The following SLC4A4 variants were observed in gnomAD, a reference collection of about 807,000 sequenced individuals.
The protein encoded by SLC4A4 is solute carrier family 4 member 4, also known as electrogenic sodium bicarbonate cotransporter 1.
Under a neutral mutation model 111.5 loss-of-function variants are expected in SLC4A4, and 27 were observed. The ratio of observed to expected loss-of-function variants is 0.24; its 90% CI spans 0.18 to 0.33. The LOEUF (loss-of-function observed/expected upper bound fraction) is 0.33, where lower values mean the gene tolerates loss of function less well. Ranked by LOEUF, SLC4A4 falls within the 10% of genes least tolerant of loss-of-function variation. The probability of loss-of-function intolerance (pLI) is 1.00; values close to 1 mark genes in which losing one functional copy is unlikely to be tolerated. For missense variants in SLC4A4, 909 were observed against 1,315.5 expected (o/e 0.69, Z 4.78); for synonymous variants, 443 against 463.4 (o/e 0.96, Z 0.57).
At chr4:71,490,582 C>G (rs1729809565) in intron 15 of SLC4A4, among the ~76,000 whole-genome samples, 1 of 151,802 alleles carries the variant, frequency 6.6e-6, no homozygotes, top group Non-Finnish European at 1.5e-5. Flanking sequence ...GGTTGAATGC[C>G]TCAGAGAAGT....
intron 16 of SLC4A4, among the ~76,000 whole-genome samples, chr4:71,515,019 T>TATC (rs1732253634): frequency 6.6e-6 from 1 of 151,950 alleles, no homozygotes; most frequent in African/African-American, 2.4e-5. Flanking sequence ...CTTTTTTTCC[T>TATC]GATAGTTGTG....
At chr4:71,405,992 G>A (rs557987746) in intron 7 of SLC4A4, among the ~76,000 whole-genome samples, 4 of 151,854 alleles carry the variant, frequency 2.6e-5, no homozygotes, top group Admixed American at 6.6e-5. Flanking sequence ...AGCTCTGAGA[G>A]GGCTTTTCAG....
intron 9 of SLC4A4, among the ~76,000 whole-genome samples, chr4:71,448,172 T>C (rs2149071644): frequency 6.6e-6 from 1 of 151,790 alleles, no homozygotes; most frequent in Non-Finnish European, 1.5e-5. Context: ...ATAAAAAAAT[T>C]AGCCAGGCAT....
chr4:71,156,575 C>CGCGA (rs1744473912), intron 2 of SLC4A4, among the ~76,000 whole-genome samples: 1 of 93,594 alleles, frequency 1.1e-5, no homozygotes, highest in Non-Finnish European at 2.0e-5. Context: ...TGCGCGCATG[C>CGCGA]GCGCGCGCGC....
chr4:71,485,842 T>G (rs1324676502), intron 14 of SLC4A4, among the ~76,000 whole-genome samples: 2 of 151,560 alleles, frequency 1.3e-5, no homozygotes, highest in Admixed American at 1.3e-4. Context: ...CAAATATTTT[T>G]GAGTTCCTGT....
chr4:71,459,588 C>T lies in SLC4A4; in HGVS notation c.1497+5919C>T, dbSNP rs534225075. ...TGCATGTGCTATTACTATAACAGAGCCCCTCTTAGTGGACTTTTAGTTTTT... is the reference window on the plus strand; with the variant it reads ...TGCATGTGCTATTACTATAACAGAGTCCCTCTTAGTGGACTTTTAGTTTTT... On this transcript the variant is annotated intron_variant, in intron 12 of 25. Coordinates refer to ENST00000264485, the MANE Select transcript of SLC4A4 (RefSeq NM_001098484.3). Among the ~76,000 whole-genome samples the T allele has an allele frequency of 9.9e-5, 15 of 152,106 alleles. No homozygotes were observed. In the South Asian group the frequency reaches 2.9e-3, roughly 29 times the overall value.
At chr4:71,068,156 TC>T (rs1423460482) in intron 1 of SLC4A4, among the ~76,000 whole-genome samples, 43 of 147,134 alleles carry the variant, frequency 2.9e-4, no homozygotes, top group African/African-American at 1.0e-3. Context: ...CCTCTGCCTC[TC>T]AGGTTCAAGT....
chr4:71,091,052 A>C (rs1273331630), intron 1 of SLC4A4, among the ~76,000 whole-genome samples: 2 of 152,002 alleles, frequency 1.3e-5, no homozygotes, highest in Admixed American at 6.6e-5. Context: ...AGTTCAAGTG[A>C]TTCTCCTGCC....
At chr4:71,565,398 C>A (rs1476490896) in intron 24 of SLC4A4, among the ~76,000 whole-genome samples, 1 of 151,736 alleles carries the variant, frequency 6.6e-6, no homozygotes, top group African/African-American at 2.4e-5. Context: ...CATACTCCTA[C>A]CTATTGGGGA....
At chr4:71,429,353 G>A (rs965944409) in intron 7 of SLC4A4, among the ~76,000 whole-genome samples, 2 of 152,120 alleles carry the variant, frequency 1.3e-5, no homozygotes, top group Non-Finnish European at 2.9e-5. Context: ...CAGGTTAAGC[G>A]ACCTCTTATG....
At chr4:71,091,914 A>C (rs188325621) in intron 1 of SLC4A4, among the ~76,000 whole-genome samples, 1 of 152,320 alleles carries the variant, frequency 6.6e-6, no homozygotes, top group East Asian at 1.9e-4. Flanking sequence ...CTGCATATTA[A>C]ATCTTTGAGA....
At chr4:71,459,424 C>T (rs1577956927) in intron 12 of SLC4A4, among the ~76,000 whole-genome samples, 2 of 152,134 alleles carry the variant, frequency 1.3e-5, no homozygotes, top group African/African-American at 4.8e-5. Flanking sequence ...CTTTCCCATA[C>T]ATCTTAAAAT....
chr4:71,184,431 G>A (rs1032221661), upstream of SLC4A4, among the ~76,000 whole-genome samples: 1 of 152,050 alleles, frequency 6.6e-6, no homozygotes, highest in Non-Finnish European at 1.5e-5. Context: ...CCTCCTTTCT[G>A]TTTTCTTTAG....
chr4:71,351,562 A>G (rs1729837189), intron 5 of SLC4A4, among the ~76,000 whole-genome samples: 1 of 152,206 alleles, frequency 6.6e-6, no homozygotes, highest in African/African-American at 2.4e-5. Context: ...ATAACTAAAA[A>G]GGAAAAGTAT....
chr4:71,100,359 A>G (rs1002290014), intron 2 of SLC4A4, among the ~76,000 whole-genome samples: 5 of 152,230 alleles, frequency 3.3e-5, no homozygotes, highest in Middle Eastern at 3.4e-3. Flanking sequence ...AAAAAAACAC[A>G]TGATTATCTC....
At position 71,443,116 on chromosome 4, in the gene SLC4A4, C is replaced by CTATATA. The variant is rs1168996571; in HGVS notation, c.965+2374_965+2379dup. On this transcript the variant is annotated intron_variant, in intron 8 of 25. Transcript: ENST00000264485. ...TCTCTCTCTCTCTCTCTCTCTCTCT[C>CTATATA]TATATATATATATATATATATATAT... Among the ~76,000 whole-genome samples the CTATATA allele has an allele frequency of 2.1e-3, 140 of 65,634 alleles. 2 individuals carry two copies. Among genetic ancestry groups the CTATATA allele is most frequent in the African/African-American group, 3.0e-3 (35 of 11,510 alleles). The allele number at this position is 65,634 out of a possible 152,430, so 43.1% of individuals were successfully genotyped here. A position where few individuals can be genotyped will look rare whatever the true frequency, so the allele number is the denominator to read the frequency against.
chr4:71,142,333 C>G lies in SLC4A4; in HGVS notation c.-2+49541C>G, dbSNP rs925855485. On this transcript the variant is annotated intron_variant, in intron 2 of 26. Coordinates refer to the SLC4A4 transcript ENST00000649996. ...CACTGCATATAAAAAGAGTGGGAAGCAATGCAGCTTCAGAGGAGAAAGAGT... is the reference window on the plus strand; with the variant it reads ...CACTGCATATAAAAAGAGTGGGAAGGAATGCAGCTTCAGAGGAGAAAGAGT... Among the ~76,000 whole-genome samples the G allele has an allele frequency of 3.3e-5, 5 of 152,140 alleles. No individual in the cohort carries two copies. In the East Asian group the frequency reaches 5.8e-4, roughly 18 times the overall value.
chr4:71,362,651 G>A (rs1290232695), intron 6 of SLC4A4, among the ~76,000 whole-genome samples: 1 of 152,208 alleles, frequency 6.6e-6, no homozygotes, highest in Non-Finnish European at 1.5e-5. Flanking sequence ...AGCAATGGGA[G>A]GTGAGGAAGA....
chr4:71,535,212 A>G (rs1024944317), intron 18 of SLC4A4, among the ~76,000 whole-genome samples: 4 of 152,194 alleles, frequency 2.6e-5, no homozygotes, highest in African/African-American at 9.6e-5. Flanking sequence ...ATGAAAATGC[A>G]TTAGAGTCTG....
Sources: allele counts gnomAD v4.1 joint callset (sites outside exome capture counted in the v4.1 genomes callset), GRCh38; gene constraint gnomAD v4.1.1; transcripts MANE v1.5; gene names NCBI Gene and HGNC (gene_info 2026-07-23, HGNC 2026-07-21).